DCTN1: variants seen among roughly 807,000 people sequenced by gnomAD.
The protein encoded by DCTN1 is dynactin subunit 1.
DCTN1 carries 61 observed loss-of-function variants against 161.2 expected under a neutral mutation model. The ratio of observed to expected loss-of-function variants is 0.38; its 90% CI spans 0.31 to 0.47. The LOEUF (loss-of-function observed/expected upper bound fraction) is 0.47. Ranked by LOEUF, DCTN1 falls within the 20% of genes least tolerant of loss-of-function variation. The pLI is 0.99. For missense variants in DCTN1, 1,404 were observed against 1,623.7 expected, an observed-to-expected ratio of 0.86 and a Z score of 2.33; for synonymous variants, 653 against 632.4, an observed-to-expected ratio of 1.03 and a Z score of -0.49.
chr2:74,373,110 G>T (rs773052156), intron 6 of DCTN1, 162 bp from the exon 7 acceptor site: 3 of 709,876 alleles, frequency 4.2e-6, no homozygotes, highest in Non-Finnish European at 7.6e-6. Flanking sequence ...TCCCTTCAGT[G>T]AATCACTGTA....
chr2:74,369,421 T>C lies in DCTN1; in HGVS notation c.1463A>G (p.Gln488Arg), dbSNP rs1182044581. ...AACCCGCGCGCCTGCCATGTCCAGC[T>C]GCTCCCGCAGCTCCAGTTCTGTCTC... is the stretch of plus-strand genomic sequence containing the variant. ...ARETELELRE[Q>R]LDMAGARVRE... Residue 488 changes from glutamine to arginine, a missense_variant, in exon 14 of 32, where the codon CAG (glutamine) becomes CGG (arginine). Physicochemically the swap from Gln to Arg is conservative, Grantham distance 43. Transcript: ENST00000628224. The surrounding 1 kb of genome is among the most constrained non-coding windows in gnomAD (Gnocchi z 4.9). 1 of 1,614,190 alleles carries C rather than the reference T, an allele frequency of 6.2e-7. No homozygotes were observed. Among genetic ancestry groups the C allele is most frequent in the South Asian group, 1.1e-5 (1 of 91,084 alleles).
chr2:74,362,564 A>G, intron 30 of DCTN1, 86 bp downstream of exon 30: 1 of 1,418,222 alleles, frequency 7.1e-7, no homozygotes, highest in African/African-American at 1.4e-5. Context: ...TGTCTAGCAC[A>G]GGGCTGGGCT....
intron 7 of DCTN1, 45 bp downstream of exon 7, chr2:74,372,883 G>A (rs72659372): frequency 4.7e-5 from 75 of 1,605,334 alleles, no homozygotes; most frequent in Non-Finnish European, 6.3e-5. Flanking sequence ...CCTGAAACGT[G>A]TGTGTACACT....
intron 6 of DCTN1, 158 bp downstream of exon 6, chr2:74,374,165 A>G (rs1374528634): frequency 1.4e-6 from 1 of 736,960 alleles, no homozygotes. Flanking sequence ...TGTGGGGCAT[A>G]GTGGTGACAC....
Position 74,365,157 on chromosome 2 carries a change from G to C in DCTN1, c.3114C>G (p.Asn1038Lys), listed in dbSNP as rs775263197. The C allele has an allele frequency of 6.2e-7, 1 of 1,614,072 alleles. No homozygotes were observed. The highest frequency in any genetic ancestry group is 1.3e-5 in the African/African-American group (1 of 74,914). The stretch of plus-strand genomic sequence containing the variant: ...CCTCAATCGTGCGTTTGGACTGGCT[G>C]TTCAGACGCTGCTTTAGTTCTGCCT... ...AEKAELKQRL[N>K]SQSKRTIEGL... is the part of the protein sequence containing the mutation. Residue 1038 changes from asparagine to lysine, a missense_variant, in exon 26 of 32, where the codon AAC becomes AAG. Asn to Lys is a moderately conservative substitution (Grantham distance 94, BLOSUM62 0). Coordinates refer to ENST00000628224, the MANE Select transcript of DCTN1 (RefSeq NM_004082.5).
At position 74,368,828 on chromosome 2, in the gene DCTN1, A is replaced by G; in HGVS notation, c.1754T>C (p.Met585Thr). ...QMEVAQANRH[M>T]SLLTAFMPDS... is the part of the protein sequence containing the mutation. ...AGGCATGAAGGCTGTCAGCAGGGAC[A>G]TGTGTCGATTGGCCTGGGCCACCTC... The change falls in exon 16 of 32, where the codon ATG (methionine) becomes ACG (threonine). Residue 585 changes from methionine (M) to threonine (T), a missense_variant. This residue lies in a region of DCTN1 where 278 missense variants were observed against 363.8 expected (regional missense o/e 0.76). Transcript: ENST00000628224. The G allele has an allele frequency of 6.2e-7, 1 of 1,614,288 alleles. No homozygotes were observed. Among genetic ancestry groups the G allele is most frequent in the Non-Finnish European group, 8.5e-7 (1 of 1,180,048 alleles).
chr2:74,370,072 G>A lies in DCTN1; in HGVS notation c.1288-3C>T, dbSNP rs72466490. On this transcript the variant is annotated splice_polypyrimidine_tract_variant and splice_region_variant and intron_variant, in intron 12 of 31. Coordinates refer to ENST00000628224, the MANE Select transcript of DCTN1 (RefSeq NM_004082.5). This position sits in a 1 kb window ranked among gnomAD's most constrained non-coding sequence, Gnocchi z 4.4. ...TCAGCACCCAGAGCAGCATCCACCTGTGTTACGGGGAGGATAGGGAGAAGG... is the reference window on the plus strand; with the variant it reads ...TCAGCACCCAGAGCAGCATCCACCTATGTTACGGGGAGGATAGGGAGAAGG... 3,572 of 1,614,156 alleles carry A rather than the reference G, an allele frequency of 2.2e-3. 74 individuals carry two copies. The African/African-American group carries it at 0.042, about 19-fold the overall frequency.
intron 23 of DCTN1, 37 bp downstream of exon 23, chr2:74,366,207 A>G (rs755482521): frequency 6.2e-7 from 1 of 1,613,634 alleles, no homozygotes. Context: ...TTACTCCTAC[A>G]GGCCTCTGCA....
Position 74,362,161 on chromosome 2 carries a change from G to A in DCTN1, c.3610-20C>T, listed in dbSNP as rs2268427. 3 of 1,610,756 alleles carry A rather than the reference G, an allele frequency of 1.9e-6. No individual in the cohort carries two copies. The highest frequency in any genetic ancestry group is 1.3e-5 in the African/African-American group (1 of 74,772). On this transcript the variant is annotated intron_variant, in intron 30 of 31. Transcript: ENST00000628224. The stretch of plus-strand genomic sequence containing the variant: ...CTCATCCTAGGGAAGGGGAGAGGAA[G>A]ACAAGGGTTCATTTATGGGACCCCC...
At chr2:74,379,529 A>G (rs960574369) in intron 1 of DCTN1, among the ~76,000 whole-genome samples, 2 of 152,198 alleles carry the variant, frequency 1.3e-5, no homozygotes, top group African/African-American at 4.8e-5. Flanking sequence ...AGGAATTGCC[A>G]GTGATATAAA....
Position 74,366,553 on chromosome 2 carries a change from G to A in DCTN1, c.2534C>T (p.Ala845Val). 6.2e-7 allele frequency: 1 copy of A among 1,613,884 alleles called. No individual in the cohort carries two copies. Among genetic ancestry groups the A allele is most frequent in the Non-Finnish European group, 8.5e-7 (1 of 1,179,984 alleles). The change falls in exon 22 of 32, where the codon GCA becomes GTA. Residue 845 changes from alanine to valine, a missense_variant. This residue lies in a region of DCTN1 where 475 missense variants were observed against 489.8 expected (regional missense o/e 0.97). Transcript: ENST00000628224. Reference sequence around the variant, plus strand: ...GGCAATGAGCTGGGCAGCAGCAGCTGCCACCTCCTGCAGCACAGCCACGAC... The same window carrying A: ...GGCAATGAGCTGGGCAGCAGCAGCTACCACCTCCTGCAGCACAGCCACGAC... ...TWVVAVLQEV[A>V]AAAAQLIAPL...
rs1337551420 is a variant in DCTN1, at chr2:74,369,540, G to A, written c.1393-49C>T. The stretch of plus-strand genomic sequence containing the variant: ...GGCTAAAGAAAGGCAGGGTCGGCCA[G>A]CGGCGGTGGTTCACACCTGTAATCC... On this transcript the variant is annotated intron_variant, in intron 13 of 31. Transcript: ENST00000628224. The surrounding 1 kb of genome is among the most constrained non-coding windows in gnomAD (Gnocchi z 4.9). 3 of 1,593,138 alleles carry A rather than the reference G, an allele frequency of 1.9e-6. No homozygotes were observed.
At chr2:74,363,671 G>C in intron 26 of DCTN1, 43 bp from the exon 27 acceptor site, 1 of 1,612,324 alleles carries the variant, frequency 6.2e-7, no homozygotes, top group Non-Finnish European at 8.5e-7. Flanking sequence ...AAAGAGGAGA[G>C]AGGAGTTAGG....
chr2:74,362,310 C>T (rs1265180711), intron 30 of DCTN1, among the ~76,000 whole-genome samples, 169 bp from the exon 31 acceptor site: 1 of 152,158 alleles, frequency 6.6e-6, no homozygotes, highest in Non-Finnish European at 1.5e-5. Context: ...CAGCACTCCT[C>T]CTTACTTTGC....
upstream of DCTN1, chr2:74,380,643 C>T (rs1675474534): frequency 2.2e-6 from 1 of 457,072 alleles, no homozygotes; most frequent in Middle Eastern, 3.3e-4. Flanking sequence ...TCTTCTCTCT[C>T]CCTCCCCTCT....
chr2:74,372,434 C>G (rs1044719622), intron 7 of DCTN1, among the ~76,000 whole-genome samples: 4 of 152,216 alleles, frequency 2.6e-5, no homozygotes, highest in African/African-American at 9.7e-5. Context: ...AGGAGCTGAC[C>G]TGAAGTTCAA....
chr2:74,366,783 C>T lies in DCTN1; in HGVS notation c.2466G>A (p.Gln822=). 1 of 1,614,252 alleles carries T rather than the reference C, an allele frequency of 6.2e-7. No individual in the cohort carries two copies. Among genetic ancestry groups the T allele is most frequent in the Non-Finnish European group, 8.5e-7 (1 of 1,180,048 alleles). The change falls in exon 21 of 32, where the codon CAG becomes CAA. Residue 822 remains glutamine (Q), a splice_region_variant and synonymous_variant. Coordinates refer to ENST00000628224, the MANE Select transcript of DCTN1 (RefSeq NM_004082.5). ...GIPAALAFGP[Q]VSDTLLDCRK... The stretch of plus-strand genomic sequence containing the variant: ...CCCTTCCCCAGTTGCAGCCTTAAAC[C>T]TGTGGTCCAAAGGCCAGTGCAGCTG...
rs1179567026 is a variant in DCTN1 at position 74,363,408 on chromosome 2, A to G, written c.3231T>C (p.Ala1077=). Reference sequence around the variant, plus strand: ...GCCCTGGGCCTGGCACAGACCCTGGAGCCTGCCCAGGGATGGCTCCTGTGG... The same window carrying G: ...GCCCTGGGCCTGGCACAGACCCTGGGGCCTGCCCAGGGATGGCTCCTGTGG... ...EQQRGAIPGQ[A]PGSVPGPGLV... The change falls in exon 28 of 32, where the codon GCT becomes GCC. Residue 1077 remains alanine (A), a synonymous_variant. Coordinates refer to ENST00000628224, the MANE Select transcript of DCTN1 (RefSeq NM_004082.5). The G allele has an allele frequency of 3.7e-6, 6 of 1,612,502 alleles. No homozygotes were observed. Among genetic ancestry groups the G allele is most frequent in the Non-Finnish European group, 3.4e-6 (4 of 1,179,748 alleles).
Position 74,367,792 on chromosome 2 carries a change from C to T in DCTN1, c.2088G>A (p.Glu696=), listed in dbSNP as rs1354935637. The part of the protein sequence containing the change: ...GSLYPEMSAH[E]RSLDFLIELL... The stretch of plus-strand genomic sequence containing the variant: ...GTTCAATGAGGAAATCCAAGGAGCG[C>T]TCATGGGCACTCATCTCAGGGTACA... Residue 696 remains glutamate, a synonymous_variant, in exon 18 of 32, where the codon GAG becomes GAA. Coordinates refer to ENST00000628224, the MANE Select transcript of DCTN1 (RefSeq NM_004082.5). 6.8e-6 allele frequency: 11 copies of T among 1,614,060 alleles called. No individual in the cohort carries two copies. Among genetic ancestry groups the T allele is most frequent in the Non-Finnish European group, 9.3e-6 (11 of 1,180,042 alleles).
Sources: gnomAD v4.1 joint callset for allele counts (sites outside exome capture counted in the v4.1 genomes callset) on GRCh38, gnomAD v4.1.1 for gene constraint, gnomAD v4.1.1 regional missense constraint, Gnocchi (gnomAD v3.1) non-coding constraint, MANE v1.5 for transcripts, NCBI Gene and HGNC (gene_info 2026-07-23, HGNC 2026-07-21) for gene names.